Variants in PXDN observed in about 807,000 individuals in gnomAD.
PXDN encodes the protein peroxidasin homolog.
In PXDN, 77 loss-of-function variants were observed where a neutral mutation model predicts 140.3. That is an observed-to-expected ratio of 0.55 (90% CI 0.46 to 0.66). The LOEUF is 0.66. Among genes scored for constraint, PXDN ranks in the 30% least tolerant of loss-of-function variants. The probability of loss-of-function intolerance (pLI) is 0.00; values close to 1 mark genes in which losing one functional copy is unlikely to be tolerated. For synonymous variants in PXDN, 911 were observed against 857.4 expected (o/e 1.06, Z -1.09); for missense variants, 1,838 against 2,039.5 (o/e 0.90, Z 1.90).
rs112774746 is a variant in PXDN at position 1,674,333 on chromosome 2, C to T, written c.849-521G>A. Among the ~76,000 whole-genome samples the T allele has an allele frequency of 6.3e-3, 964 of 152,318 alleles. 6 individuals carry two copies. Among genetic ancestry groups the T allele is most frequent in the African/African-American group, 0.021 (858 of 41,570 alleles). The stretch of plus-strand genomic sequence containing the variant: ...TAAGCGCTCCTCCTGCCTCGGGCTC[C>T]GAAAGTGCTGGGATTGCAGGTGTGC... On this transcript the variant is annotated intron_variant, in intron 8 of 22. Transcript: ENST00000252804.
Position 1,680,261 on chromosome 2 carries a change from A to G in PXDN, c.662T>C (p.Ile221Thr), listed in dbSNP as rs1173135366. 6.2e-7 allele frequency: 1 copy of G among 1,613,474 alleles called. No homozygotes were observed. The highest frequency in any genetic ancestry group is 1.1e-5 in the South Asian group (1 of 90,896). ...CTGGATGCGTCTGGGATATTCACAG[A>G]TGGCCGCTGCCTGCGCGTTCCCCGA... ...AESGNAQAAA[I>T]CEYPRRIQGR... The change falls in exon 7 of 23, where the codon ATC becomes ACC. Residue 221 changes from isoleucine to threonine, a missense_variant. Ile to Thr is a moderately conservative substitution (Grantham distance 89, BLOSUM62 -1). Transcript: ENST00000252804.
rs772460013 is a variant in PXDN at position 1,634,270 on chromosome 2, G to A, written c.4374C>T (p.Val1458=). 15 of 1,608,046 alleles carry A rather than the reference G, an allele frequency of 9.3e-6. No homozygotes were observed. Among genetic ancestry groups the A allele is most frequent in the Non-Finnish European group, 1.3e-5 (15 of 1,177,552 alleles). The change falls in exon 23 of 23, where the codon GTC becomes GTT. Residue 1458 remains valine, a synonymous_variant. Coordinates refer to ENST00000252804, the MANE Select transcript of PXDN (RefSeq NM_012293.3). The part of the protein sequence containing the change: ...VEACPPATCA[V]PVNIPGACCP... Reference sequence around the variant, plus strand: ...AGCAGGCCCCTGGGATGTTCACGGGGACAGCACAGGTGGCAGGGGGGCAAG... The same window carrying A: ...AGCAGGCCCCTGGGATGTTCACGGGAACAGCACAGGTGGCAGGGGGGCAAG...
chr2:1,696,570 C>G (rs1374866035), intron 1 of PXDN, among the ~76,000 whole-genome samples: 1 of 152,146 alleles, frequency 6.6e-6, no homozygotes, highest in Non-Finnish European at 1.5e-5. Flanking sequence ...GGGAGCTACT[C>G]AACATTAGAA....
intron 13 of PXDN, 25 bp from the exon 14 acceptor site, chr2:1,661,062 G>C: frequency 4.3e-6 from 7 of 1,613,190 alleles, no homozygotes; most frequent in Non-Finnish European, 5.9e-6. Context: ...AATGAAAACA[G>C]TATTAGAAAT....
At chr2:1,732,424 G>T (rs6740236) in intron 1 of PXDN, among the ~76,000 whole-genome samples, 2 of 151,584 alleles carry the variant, frequency 1.3e-5, no homozygotes, top group Admixed American at 6.6e-5. Context: ...ACACACACAC[G>T]GGGCCAGAAG....
rs1572123800 is a variant in PXDN, at chr2:1,648,823, C to A, written c.2957G>T (p.Ser986Ile). 1.2e-6 allele frequency: 2 copies of A among 1,602,156 alleles called. No homozygotes were observed. Among genetic ancestry groups the A allele is most frequent in the East Asian group, 4.5e-5 (2 of 44,390 alleles). Residue 986 changes from serine (S) to isoleucine (I), a missense_variant, in exon 17 of 23, where the codon AGC becomes ATC. Transcript: ENST00000252804. The surrounding 1 kb of genome is among the most constrained non-coding windows in gnomAD (Gnocchi z 8.9). Reference protein sequence around the residue: ...HRANEQLGLTSMHTLWFREHN... With the variant: ...HRANEQLGLTIMHTLWFREHN... The stretch of plus-strand genomic sequence containing the variant: ...CTCGCGGAACCACAGCGTGTGCATG[C>A]TGGTCAGGCCCAGCTGCTCGTTGGC...
chr2:1,661,697 G>T (rs1387656181), intron 13 of PXDN, among the ~76,000 whole-genome samples: 1 of 152,172 alleles, frequency 6.6e-6, no homozygotes, highest in Non-Finnish European at 1.5e-5. Context: ...AAACAGCAAA[G>T]AAATGAAATA....
At chr2:1,673,545 A>T in intron 9 of PXDN, 98 bp downstream of exon 9, 1 of 1,452,226 alleles carries the variant, frequency 6.9e-7, no homozygotes, top group Non-Finnish European at 9.4e-7. Flanking sequence ...TCAGACTTCA[A>T]TGTTCATTCT....
At chr2:1,686,121 G>A (rs544169392) in intron 4 of PXDN, among the ~76,000 whole-genome samples, 2 of 152,314 alleles carry the variant, frequency 1.3e-5, no homozygotes, top group South Asian at 4.1e-4. Context: ...CCAGGGTCAG[G>A]CACAAGCCAC....
intron 14 of PXDN, among the ~76,000 whole-genome samples, chr2:1,658,026 G>GGCTCGC (rs1683191994): frequency 3.6e-5 from 3 of 83,642 alleles, no homozygotes; most frequent in Non-Finnish European, 6.5e-5. Flanking sequence ...TTCAGCTGTG[G>GGCTCGC]GCTCTCTCTC....
chr2:1,667,511 T>A (rs1252160898), intron 9 of PXDN, among the ~76,000 whole-genome samples: 1 of 152,150 alleles, frequency 6.6e-6, no homozygotes, highest in Non-Finnish European at 1.5e-5. Flanking sequence ...GAAGTCAAAT[T>A]GTCTCTGTTT....
At chr2:1,739,289 A>G (rs1440084327) in intron 1 of PXDN, among the ~76,000 whole-genome samples, 1 of 152,138 alleles carries the variant, frequency 6.6e-6, no homozygotes, top group African/African-American at 2.4e-5. Flanking sequence ...ATCAGCAACT[A>G]GGGAAACTGA....
rs1682484553 is a variant in PXDN at position 1,634,142 on chromosome 2, G to C, written c.*62C>G. 5 of 1,541,654 alleles carry C rather than the reference G, an allele frequency of 3.2e-6. No individual in the cohort carries two copies. The highest frequency in any genetic ancestry group is 4.4e-6 in the Non-Finnish European group (5 of 1,139,984). On this transcript the variant is annotated 3_prime_UTR_variant, in exon 23 of 23. Transcript: ENST00000252804. ...CCTGGTCTGCAGTCCGCAGCTCCCT[G>C]CCATCGGCCACCCGATCTCACGATG...
intron 1 of PXDN, among the ~76,000 whole-genome samples, chr2:1,722,171 C>T (rs1440264068): frequency 1.3e-5 from 2 of 152,160 alleles, no homozygotes; most frequent in Non-Finnish European, 2.9e-5. Flanking sequence ...CGAGCGGACA[C>T]AAAATAGAAC....
rs377435707 is a variant in PXDN at position 1,725,403 on chromosome 2, T to C, written c.200+18853A>G. Among the ~76,000 whole-genome samples, 16 of 152,124 alleles carry C rather than the reference T, an allele frequency of 1.1e-4. No homozygotes were observed. In the East Asian group the frequency reaches 2.9e-3, roughly 28 times the overall value. ...AGAAAGCTGAAACTGGATCCCTTCC[T>C]TACACCTTATACAAAAATTAATTCA... On this transcript the variant is annotated intron_variant, in intron 1 of 22. Coordinates refer to ENST00000252804, the MANE Select transcript of PXDN (RefSeq NM_012293.3).
intron 1 of PXDN, among the ~76,000 whole-genome samples, chr2:1,694,443 G>C (rs897238201): frequency 1.3e-5 from 2 of 152,202 alleles, no homozygotes; most frequent in African/African-American, 4.8e-5. Flanking sequence ...TGAATGAAAT[G>C]TGTCCCTCCC....
rs1684861682 is a variant in PXDN at position 1,714,939 on chromosome 2, T to C, written c.201-21805A>G. Among the ~76,000 whole-genome samples, 1 of 152,124 alleles carries C rather than the reference T, an allele frequency of 6.6e-6. No individual in the cohort carries two copies. Among genetic ancestry groups the C allele is most frequent in the Non-Finnish European group, 1.5e-5 (1 of 68,024 alleles). ...TTAACCTATGTCTAGCATTTATCTT[T>C]TGGGAGCATCAGGTTTTAGGCGACA... On this transcript the variant is annotated intron_variant, in intron 1 of 22. Coordinates refer to ENST00000252804, the MANE Select transcript of PXDN (RefSeq NM_012293.3). This position sits in a 1 kb window ranked among gnomAD's most constrained non-coding sequence, Gnocchi z 4.3.
chr2:1,640,286 G>A (rs1682694343), intron 19 of PXDN, among the ~76,000 whole-genome samples: 1 of 152,224 alleles, frequency 6.6e-6, no homozygotes, highest in South Asian at 2.1e-4. Flanking sequence ...CAAGAAAGCT[G>A]TGGCAGAGCA....
At chr2:1,686,705 G>A (rs1439138004) in intron 4 of PXDN, among the ~76,000 whole-genome samples, 2 of 152,180 alleles carry the variant, frequency 1.3e-5, no homozygotes, top group East Asian at 1.9e-4. Context: ...CCCTGTCCAC[G>A]CTCACTTGAA....
Sources: allele counts gnomAD v4.1 joint callset (sites outside exome capture counted in the v4.1 genomes callset), GRCh38; gene constraint gnomAD v4.1.1; non-coding constraint Gnocchi (gnomAD v3.1); transcripts MANE v1.5; gene names NCBI Gene and HGNC (gene_info 2026-07-23, HGNC 2026-07-21).